LDLRAD3: variants seen among roughly 807,000 people sequenced by gnomAD.
LDLRAD3 encodes low density lipoprotein receptor class A domain containing 3.
In LDLRAD3, 20 loss-of-function variants were observed where a neutral mutation model predicts 29.4. The ratio of observed to expected loss-of-function variants is 0.68; its 90% CI spans 0.48 to 0.99. The LOEUF is 0.99. LDLRAD3 is among the 50% of genes least tolerant of loss of function. LDLRAD3 has a pLI of 0.00. For synonymous variants in LDLRAD3, 157 were observed against 192.7 expected (o/e 0.81, Z 1.53); for missense variants, 420 against 454.3 (o/e 0.92, Z 0.69).
At chr11:36,198,573 C>G (rs534764070) in intron 4 of LDLRAD3, among the ~76,000 whole-genome samples, 12 of 152,322 alleles carry the variant, frequency 7.9e-5, no homozygotes, top group African/African-American at 2.6e-4. Flanking sequence ...TTGCTTCCCC[C>G]CCATCCCACT....
chr11:36,180,648 C>T (rs1313415760), intron 4 of LDLRAD3, among the ~76,000 whole-genome samples: 1 of 151,798 alleles, frequency 6.6e-6, no homozygotes, highest in Non-Finnish European at 1.5e-5. Context: ...TCATGTGGCT[C>T]ATATTTTGAC....
At chr11:36,036,601 G>C (rs1852308405) in intron 2 of LDLRAD3, among the ~76,000 whole-genome samples, 1 of 152,040 alleles carries the variant, frequency 6.6e-6, no homozygotes, top group African/African-American at 2.4e-5. Flanking sequence ...CCAGCAAGTG[G>C]CACATTGGAC....
At chr11:36,117,158 T>G (rs1259863609) in intron 4 of LDLRAD3, among the ~76,000 whole-genome samples, 1 of 152,148 alleles carries the variant, frequency 6.6e-6, no homozygotes, top group Non-Finnish European at 1.5e-5. Context: ...GCACCTGGCC[T>G]GCCTAAGTAA....
intron 1 of LDLRAD3, among the ~76,000 whole-genome samples, chr11:36,001,467 G>GT (rs1445436676): frequency 6.6e-6 from 1 of 152,142 alleles, no homozygotes; most frequent in Non-Finnish European, 1.5e-5. Context: ...TGAGCTCCAT[G>GT]TATGTTTACC....
chr11:36,125,332 CTT>C (rs1853820213), intron 4 of LDLRAD3, among the ~76,000 whole-genome samples: 1 of 152,118 alleles, frequency 6.6e-6, no homozygotes, highest in South Asian at 2.1e-4. Context: ...GACTATGTGA[CTT>C]TTAGGCGGAT....
intron 4 of LDLRAD3, among the ~76,000 whole-genome samples, chr11:36,119,198 A>C (rs1190661718): frequency 1.3e-5 from 2 of 152,230 alleles, no homozygotes; most frequent in Non-Finnish European, 2.9e-5. Flanking sequence ...AACACTCTTG[A>C]TTCTAACCTA....
intron 3 of LDLRAD3, among the ~76,000 whole-genome samples, chr11:36,087,779 A>G (rs1853217705): frequency 6.6e-6 from 1 of 151,914 alleles, no homozygotes; most frequent in African/African-American, 2.4e-5. Flanking sequence ...TAGTACGAAC[A>G]CAGCTCACTG....
At chr11:36,013,376 G>A (rs535401784) in intron 1 of LDLRAD3, among the ~76,000 whole-genome samples, 1 of 152,166 alleles carries the variant, frequency 6.6e-6, no homozygotes, top group African/African-American at 2.4e-5. Flanking sequence ...TGCCATGGTG[G>A]TTTGCTGCAC....
intron 4 of LDLRAD3, among the ~76,000 whole-genome samples, chr11:36,156,558 A>C (rs1854354415): frequency 2.0e-5 from 3 of 152,198 alleles, no homozygotes; most frequent in African/African-American, 7.2e-5. Flanking sequence ...AAATATACAC[A>C]GATTGGGTTT....
At chr11:36,021,853 A>G (rs1226725247) in intron 1 of LDLRAD3, among the ~76,000 whole-genome samples, 1 of 152,036 alleles carries the variant, frequency 6.6e-6, no homozygotes, top group Admixed American at 6.6e-5. Context: ...GTCTCACTAT[A>G]TACCCCAGGC....
chr11:36,023,253 T>C (rs1852120896), intron 1 of LDLRAD3, among the ~76,000 whole-genome samples: 1 of 152,166 alleles, frequency 6.6e-6, no homozygotes, highest in South Asian at 2.1e-4. Context: ...TGATGGAAGA[T>C]TATGGATAAT....
Position 36,045,935 on chromosome 11 carries a change from G to C in LDLRAD3, c.193+9686G>C, listed in dbSNP as rs542532899. Among the ~76,000 whole-genome samples the C allele has an allele frequency of 4.6e-5, 7 of 152,158 alleles. No individual in the cohort carries two copies. In the East Asian group the frequency reaches 1.2e-3, roughly 25 times the overall value. On this transcript the variant is annotated intron_variant, in intron 2 of 5. Transcript: ENST00000315571. ...TAGGTTTTAAGACCCGCGTGCATTA[G>C]GTATTTGTCCTAATGCTCTCCCTCC...
chr11:35,976,064 G>A (rs1851472080), intron 1 of LDLRAD3, among the ~76,000 whole-genome samples: 1 of 151,976 alleles, frequency 6.6e-6, no homozygotes, highest in Admixed American at 6.5e-5. Flanking sequence ...GGGTGGAGGG[G>A]TCTCATTTTC....
intron 4 of LDLRAD3, among the ~76,000 whole-genome samples, chr11:36,114,170 C>T (rs190564608): frequency 1.2e-4 from 19 of 152,218 alleles, no homozygotes; most frequent in African/African-American, 2.4e-4. Flanking sequence ...TGATCAACAC[C>T]GGAACTTTTA....
At chr11:36,121,583 C>T (rs1160455557) in intron 4 of LDLRAD3, among the ~76,000 whole-genome samples, 1 of 152,064 alleles carries the variant, frequency 6.6e-6, no homozygotes, top group Non-Finnish European at 1.5e-5. Flanking sequence ...TATTATGGTT[C>T]GGGAAAATAA....
At chr11:35,950,527 GT>G (rs1274223974) in intron 1 of LDLRAD3, among the ~76,000 whole-genome samples, 1 of 152,106 alleles carries the variant, frequency 6.6e-6, no homozygotes, top group Non-Finnish European at 1.5e-5. Context: ...GTGTGTATGT[GT>G]ATGTGTATGT....
intron 3 of LDLRAD3, among the ~76,000 whole-genome samples, chr11:36,087,039 G>A: frequency 6.6e-6 from 1 of 152,124 alleles, no homozygotes; most frequent in East Asian, 1.9e-4. Flanking sequence ...GAAATTCAGG[G>A]ACAGGGGAAT....
intron 4 of LDLRAD3, among the ~76,000 whole-genome samples, chr11:36,153,847 A>C (rs1854309395): frequency 6.6e-6 from 1 of 152,056 alleles, no homozygotes; most frequent in Non-Finnish European, 1.5e-5. Context: ...TTTTAACAGG[A>C]TAAATCATGT....
At chr11:36,211,238 T>A (rs1253367631) in intron 4 of LDLRAD3, among the ~76,000 whole-genome samples, 1 of 145,918 alleles carries the variant, frequency 6.9e-6, no homozygotes, top group Non-Finnish European at 1.6e-5. Flanking sequence ...AAACTTTATC[T>A]ATGAAAGCAG....
Sources: gnomAD v4.1 joint callset for allele counts (sites outside exome capture counted in the v4.1 genomes callset) on GRCh38, gnomAD v4.1.1 for gene constraint, MANE v1.5 for transcripts, NCBI Gene and HGNC (gene_info 2026-07-23, HGNC 2026-07-21) for gene names.